Variants in SGCD observed in about 807,000 individuals in gnomAD.
The protein encoded by SGCD is sarcoglycan delta.
SGCD carries 18 observed loss-of-function variants against 36.6 expected under a neutral mutation model. The observed-to-expected ratio is 0.49, with a 90% CI of 0.34 to 0.73. The LOEUF (loss-of-function observed/expected upper bound fraction) is 0.73, where lower values mean the gene tolerates loss of function less well. Ranked by LOEUF, SGCD falls within the 30% of genes least tolerant of loss-of-function variation. The probability of loss-of-function intolerance (pLI) is 0.01; values close to 1 mark genes in which losing one functional copy is unlikely to be tolerated. For missense variants in SGCD, 387 were observed against 346.7 expected (o/e 1.12, Z -0.92); for synonymous variants, 133 against 130.6 (o/e 1.02, Z -0.12).
At chr5:156,136,132 G>A (rs548055805) in intron 3 of SGCD, among the ~76,000 whole-genome samples, 28 of 151,892 alleles carry the variant, frequency 1.8e-4, no homozygotes, top group African/African-American at 5.8e-4. Flanking sequence ...TTATATTCTG[G>A]GATAGGATTT....
At chr5:156,163,702 G>T (rs1392738672) in intron 3 of SGCD, among the ~76,000 whole-genome samples, 10 of 151,544 alleles carry the variant, frequency 6.6e-5, no homozygotes, top group African/African-American at 2.4e-4. Flanking sequence ...TCTGGTTTTG[G>T]AATCTACCAA....
intron 3 of SGCD, among the ~76,000 whole-genome samples, chr5:156,290,113 G>T (rs537477511): frequency 1.3e-5 from 2 of 152,252 alleles, no homozygotes; most frequent in African/African-American, 4.8e-5. Flanking sequence ...CAAACACTTA[G>T]TGCTAGGTAC....
chr5:156,061,761 T>C lies in SGCD; in HGVS notation c.-281-56117T>C, dbSNP rs536539813. On this transcript the variant is annotated intron_variant, in intron 1 of 9. Coordinates refer to the SGCD transcript ENST00000517913. ...AAAAGTAAGACCCAAAGGCAACAAA[T>C]ATCTAATGGGTTGTCTGGACAGTTT... Among the ~76,000 whole-genome samples, 4 of 145,274 alleles carry C rather than the reference T, an allele frequency of 2.8e-5. No individual in the cohort carries two copies. In the East Asian group the frequency reaches 5.8e-4, roughly 21 times the overall value.
intron 7 of SGCD, among the ~76,000 whole-genome samples, chr5:156,747,097 C>A (rs945118689): frequency 6.8e-6 from 1 of 146,744 alleles, no homozygotes; most frequent in African/African-American, 2.7e-5. Flanking sequence ...CCCAGTAAAA[C>A]ACATGAAAAG....
intron 1 of SGCD, among the ~76,000 whole-genome samples, chr5:155,977,322 A>G (rs1758136690): frequency 6.6e-6 from 1 of 151,986 alleles, no homozygotes; most frequent in Admixed American, 6.5e-5. Context: ...CCCTCATAAA[A>G]CTCCAAAAGG....
At chr5:156,721,618 G>A (rs985311821) in intron 7 of SGCD, among the ~76,000 whole-genome samples, 8 of 152,156 alleles carry the variant, frequency 5.3e-5, no homozygotes, top group Non-Finnish European at 1.2e-4. Context: ...ATCTAATGGA[G>A]CACATCTGCA....
At chr5:155,997,546 A>G (rs955014929) in intron 1 of SGCD, among the ~76,000 whole-genome samples, 1 of 152,250 alleles carries the variant, frequency 6.6e-6, no homozygotes, top group Non-Finnish European at 1.5e-5. Context: ...CTTAAATAAC[A>G]ACAAAAACTA....
intron 6 of SGCD, among the ~76,000 whole-genome samples, chr5:156,644,791 A>G (rs528108111): frequency 6.6e-6 from 1 of 152,256 alleles, no homozygotes; most frequent in African/African-American, 2.4e-5. Context: ...TAGAGATAGG[A>G]CTAGATTTCA....
At chr5:156,612,093 G>C (rs920407584) in intron 6 of SGCD, among the ~76,000 whole-genome samples, 1 of 152,070 alleles carries the variant, frequency 6.6e-6, no homozygotes, top group Non-Finnish European at 1.5e-5. Flanking sequence ...GAGGGGGTCT[G>C]TTACTAAAGA....
chr5:156,002,922 T>C (rs1031700552), intron 1 of SGCD, among the ~76,000 whole-genome samples: 7 of 152,230 alleles, frequency 4.6e-5, no homozygotes, highest in African/African-American at 1.7e-4. Context: ...TGAAATATTC[T>C]CATATGCTCC....
At chr5:156,748,976 G>A (rs1004766807) in intron 7 of SGCD, among the ~76,000 whole-genome samples, 1 of 151,952 alleles carries the variant, frequency 6.6e-6, no homozygotes, top group Admixed American at 6.6e-5. Context: ...TGTTGGCCAG[G>A]CTGGTCTCGA....
intron 6 of SGCD, among the ~76,000 whole-genome samples, chr5:156,607,320 T>C (rs181549440): frequency 1.8e-4 from 27 of 152,336 alleles, no homozygotes. Context: ...GTTTTTGTCA[T>C]TGGTTGTGTT....
chr5:156,637,192 C>A (rs768101601), intron 6 of SGCD, among the ~76,000 whole-genome samples: 20 of 152,108 alleles, frequency 1.3e-4, no homozygotes, highest in Non-Finnish European at 2.4e-4. Context: ...TCTCTCCTGC[C>A]ACCATGTGAA....
At chr5:156,216,945 G>C (rs1465470075) in intron 3 of SGCD, among the ~76,000 whole-genome samples, 9 of 152,152 alleles carry the variant, frequency 5.9e-5, no homozygotes, top group Non-Finnish European at 1.0e-4. Context: ...CAAGCATGGT[G>C]GCTGGAGCCT....
At chr5:155,942,278 GTATC>G (rs1373511941) in intron 1 of SGCD, among the ~76,000 whole-genome samples, 1 of 151,312 alleles carries the variant, frequency 6.6e-6, no homozygotes. Flanking sequence ...TATCATCTAT[GTATC>G]TATGTATGTA....
At position 156,677,706 on chromosome 5, in the gene SGCD, T is replaced by C. The variant is rs978396181; in HGVS notation, c.575+30170T>C. Among the ~76,000 whole-genome samples the C allele has an allele frequency of 2.0e-5, 3 of 152,056 alleles. No individual in the cohort carries two copies. In the South Asian group the frequency reaches 6.2e-4, roughly 32 times the overall value. On this transcript the variant is annotated intron_variant, in intron 7 of 8. Transcript: ENST00000337851. ...GTATATAGATAAAAAAAAAAGAGTC[T>C]GGTGGAGAAAATTTTATATTTGCCT...
At chr5:155,953,128 G>T (rs986641248) in intron 1 of SGCD, among the ~76,000 whole-genome samples, 1 of 152,092 alleles carries the variant, frequency 6.6e-6, no homozygotes, top group Non-Finnish European at 1.5e-5. Context: ...TCCTGAGCAA[G>T]CCATGTTCTT....
chr5:155,816,511 T>A, the SGCD span, among the ~76,000 whole-genome samples: 1 of 151,874 alleles, frequency 6.6e-6, no homozygotes, highest in East Asian at 1.9e-4. Context: ...AAAAGGAGAG[T>A]TTCGTCTTGT....
chr5:156,216,797 G>A (rs967449050), intron 3 of SGCD, among the ~76,000 whole-genome samples: 2 of 152,190 alleles, frequency 1.3e-5, no homozygotes, highest in African/African-American at 4.8e-5. Flanking sequence ...AAATGAATGT[G>A]GCCGGGCGTG....
Sources: gnomAD v4.1 joint callset for allele counts (sites outside exome capture counted in the v4.1 genomes callset) on GRCh38, gnomAD v4.1.1 for gene constraint, MANE v1.5 for transcripts, NCBI Gene and HGNC (gene_info 2026-07-23, HGNC 2026-07-21) for gene names.